Variants in AFG1L observed in about 807,000 individuals in gnomAD.
AFG1L encodes the protein AFG1-like ATPase.
A neutral mutation model predicts 62.2 loss-of-function variants in AFG1L; 53 were observed. That is an observed-to-expected ratio of 0.85 (90% CI 0.68 to 1.07). The LOEUF (loss-of-function observed/expected upper bound fraction) is 1.07. AFG1L is among the 50% of genes least tolerant of loss of function. The probability of loss-of-function intolerance (pLI) is 0.00; values close to 1 mark genes in which losing one functional copy is unlikely to be tolerated. For synonymous variants in AFG1L, 228 were observed against 210.3 expected, an observed-to-expected ratio of 1.08 and a Z score of -0.73; for missense variants, 555 against 590.5, an observed-to-expected ratio of 0.94 and a Z score of 0.62.
intron 7 of AFG1L, among the ~76,000 whole-genome samples, chr6:108,418,197 G>A (rs1770412110): frequency 6.6e-6 from 1 of 152,184 alleles, no homozygotes; most frequent in Non-Finnish European, 1.5e-5. Flanking sequence ...TTTTAAAGTA[G>A]CCTGTGATAG....
chr6:108,402,231 A>G (rs1438777136), intron 7 of AFG1L, among the ~76,000 whole-genome samples, 177 bp downstream of exon 7: 7 of 152,042 alleles, frequency 4.6e-5, no homozygotes, highest in Non-Finnish European at 1.0e-4. Context: ...TTGGGAGGCC[A>G]AGGTGGGCGG....
At chr6:108,454,546 A>T (rs1019729696) in intron 8 of AFG1L, among the ~76,000 whole-genome samples, 4 of 152,198 alleles carry the variant, frequency 2.6e-5, no homozygotes, top group Admixed American at 2.0e-4. Flanking sequence ...TACAATTACC[A>T]GGTGCAAACC....
intron 10 of AFG1L, among the ~76,000 whole-genome samples, chr6:108,491,275 A>G (rs1174229852): frequency 6.6e-6 from 1 of 152,214 alleles, no homozygotes; most frequent in African/African-American, 2.4e-5. Flanking sequence ...TCAGCCAAAG[A>G]GGGGAAAAGA....
Position 108,363,721 on chromosome 6 carries a change from A to G in AFG1L, c.649-2512A>G, listed in dbSNP as rs371617581. 2.6e-5 allele frequency among the ~76,000 whole-genome samples: 4 copies of G among 152,276 alleles called. No homozygotes were observed. In the East Asian group the frequency reaches 5.8e-4, roughly 22 times the overall value. On this transcript the variant is annotated intron_variant, in intron 5 of 12. Coordinates refer to ENST00000368977, the MANE Select transcript of AFG1L (RefSeq NM_145315.5). ...TATGGGTCCAGAAAAAAAAAAAAGA[A>G]TTCTGATGAGCAGAAGATCATGCAA... is the stretch of plus-strand genomic sequence containing the variant.
At chr6:108,401,479 G>T (rs1781613333) in intron 6 of AFG1L, among the ~76,000 whole-genome samples, 1 of 152,080 alleles carries the variant, frequency 6.6e-6, no homozygotes, top group African/African-American at 2.4e-5. Context: ...TTCTAGTAGA[G>T]TTGGGGTTTC....
chr6:108,391,447 A>T (rs925027939), intron 6 of AFG1L, among the ~76,000 whole-genome samples: 1 of 152,084 alleles, frequency 6.6e-6, no homozygotes, highest in African/African-American at 2.4e-5. Flanking sequence ...TTGTCTATTC[A>T]TGTCCTTAGC....
intron 7 of AFG1L, among the ~76,000 whole-genome samples, chr6:108,410,535 G>A (rs1038059399): frequency 7.2e-5 from 11 of 152,002 alleles, no homozygotes; most frequent in African/African-American, 2.2e-4. Flanking sequence ...GTACCTCTAC[G>A]CCCACAGATA....
At chr6:108,348,313 C>T (rs1378045504) in intron 3 of AFG1L, among the ~76,000 whole-genome samples, 2 of 152,172 alleles carry the variant, frequency 1.3e-5, no homozygotes, top group African/African-American at 2.4e-5. Context: ...CTCCTGACCT[C>T]GTGATCCGCT....
chr6:108,400,834 AT>A (rs1354926689), intron 6 of AFG1L, among the ~76,000 whole-genome samples: 1 of 21,858 alleles, frequency 4.6e-5, no homozygotes, highest in East Asian at 5.2e-4. Flanking sequence ...TAAAATATAT[AT>A]TTATATATAA....
At chr6:108,428,344 C>T (rs1354273155) in intron 7 of AFG1L, among the ~76,000 whole-genome samples, 2 of 152,240 alleles carry the variant, frequency 1.3e-5, no homozygotes, top group East Asian at 3.9e-4. Flanking sequence ...TCTTTATCCA[C>T]TCATTGGTCA....
At chr6:108,352,901 T>G (rs1308916800) in intron 3 of AFG1L, among the ~76,000 whole-genome samples, 3 of 152,106 alleles carry the variant, frequency 2.0e-5, no homozygotes, top group Non-Finnish European at 4.4e-5. Context: ...ATATTTTTGA[T>G]CCACTGTTGG....
chr6:108,417,935 G>A (rs972701570), intron 7 of AFG1L, among the ~76,000 whole-genome samples: 15 of 152,158 alleles, frequency 9.9e-5, no homozygotes, highest in African/African-American at 3.4e-4. Context: ...CCGGGTTCAC[G>A]CCATTCTGCT....
intron 7 of AFG1L, among the ~76,000 whole-genome samples, chr6:108,417,553 T>A (rs1304176597): frequency 6.6e-6 from 1 of 152,172 alleles, no homozygotes; most frequent in Non-Finnish European, 1.5e-5. Context: ...ATAAAATAAC[T>A]GTCACTAGTC....
intron 1 of AFG1L, among the ~76,000 whole-genome samples, chr6:108,296,553 T>A (rs1366315940): frequency 6.6e-6 from 1 of 152,158 alleles, no homozygotes. Context: ...CATATATAGA[T>A]AATGGTATTA....
chr6:108,494,391 T>C (rs115828814), intron 10 of AFG1L, among the ~76,000 whole-genome samples: 1,769 of 152,046 alleles, frequency 0.012, 50 homozygotes, highest in African/African-American at 0.041. Flanking sequence ...TTTGTCACAT[T>C]GATTTTTTTG....
At chr6:108,382,365 C>A (rs929021324) in intron 6 of AFG1L, among the ~76,000 whole-genome samples, 8 of 152,086 alleles carry the variant, frequency 5.3e-5, no homozygotes, top group African/African-American at 1.9e-4. Flanking sequence ...TACTATTTTT[C>A]TTAGATTATC....
intron 7 of AFG1L, among the ~76,000 whole-genome samples, chr6:108,425,506 A>G (rs1337429446): frequency 6.6e-6 from 1 of 152,104 alleles, no homozygotes; most frequent in Non-Finnish European, 1.5e-5. Context: ...AGTGGAGGCG[A>G]CTGAGGCTCA....
chr6:108,414,879 C>G (rs1782289224), intron 7 of AFG1L, among the ~76,000 whole-genome samples: 1 of 152,212 alleles, frequency 6.6e-6, no homozygotes, highest in Non-Finnish European at 1.5e-5. Flanking sequence ...GATGCCCTCT[C>G]TCACCACTTC....
intron 2 of AFG1L, among the ~76,000 whole-genome samples, chr6:108,331,448 G>T (rs1231135036): frequency 6.6e-6 from 1 of 152,042 alleles, no homozygotes; most frequent in Non-Finnish European, 1.5e-5. Flanking sequence ...ATTAACCAAG[G>T]TGATAAAATT....
Sources: allele counts gnomAD v4.1 joint callset (sites outside exome capture counted in the v4.1 genomes callset), GRCh38; gene constraint gnomAD v4.1.1; transcripts MANE v1.5; gene names NCBI Gene and HGNC (gene_info 2026-07-23, HGNC 2026-07-21).